The following PLEKHA2 variants were observed in gnomAD, a reference collection of about 807,000 sequenced individuals.
The protein encoded by PLEKHA2 is pleckstrin homology domain-containing family A member 2.
In PLEKHA2, 28 loss-of-function variants were observed where a neutral mutation model predicts 53.2. The observed-to-expected ratio is 0.53, with a 90% confidence interval of 0.39 to 0.72. The LOEUF is 0.72. Among genes scored for constraint, PLEKHA2 ranks in the 30% least tolerant of loss-of-function variants. The probability of loss-of-function intolerance (pLI) is 0.00; values close to 1 mark genes in which losing one functional copy is unlikely to be tolerated. For missense variants in PLEKHA2, 426 were observed against 537.9 expected (o/e 0.79, Z 2.06); for synonymous variants, 193 against 196.4 (o/e 0.98, Z 0.14).
At position 38,922,096 on chromosome 8, in the gene PLEKHA2, T is replaced by C. The variant is rs1166363388; in HGVS notation, c.141+4026T>C. 6.6e-6 allele frequency among the ~76,000 whole-genome samples: 1 copy of C among 152,082 alleles called. No homozygotes were observed. Among genetic ancestry groups the C allele is most frequent in the Non-Finnish European group, 1.5e-5 (1 of 68,006 alleles). On this transcript the variant is annotated intron_variant, in intron 2 of 11. Coordinates refer to ENST00000617275, the MANE Select transcript of PLEKHA2 (RefSeq NM_021623.2). The surrounding 1 kb of genome is among the most constrained non-coding windows in gnomAD (Gnocchi z 4.0). ...GAAGAATTTGCCCGTGGTTACATAA[T>C]AAAAAAGTAGCACAGCTGGGACTCT...
chr8:38,908,795 A>G (rs1375660679), intron 1 of PLEKHA2, among the ~76,000 whole-genome samples: 1 of 152,236 alleles, frequency 6.6e-6, no homozygotes, highest in South Asian at 2.1e-4. Context: ...ACCTGAAAAC[A>G]GAGTTTTTGA....
chr8:38,954,791 G>T (rs983307910), intron 9 of PLEKHA2, among the ~76,000 whole-genome samples: 1 of 152,176 alleles, frequency 6.6e-6, no homozygotes, highest in African/African-American at 2.4e-5. Flanking sequence ...CCAGCACTTT[G>T]GGAGGCCGAG....
At chr8:38,932,302 G>C (rs1257923102) in intron 2 of PLEKHA2, among the ~76,000 whole-genome samples, 4 of 152,176 alleles carry the variant, frequency 2.6e-5, no homozygotes, top group African/African-American at 9.7e-5. Context: ...GGTCATTCTT[G>C]GGGTTTTTAA....
chr8:38,943,328 C>G (rs1269734633), intron 3 of PLEKHA2, among the ~76,000 whole-genome samples: 2 of 151,470 alleles, frequency 1.3e-5, no homozygotes, highest in Non-Finnish European at 2.9e-5. Flanking sequence ...AAATATTTTT[C>G]TTTTTTAAAA....
intron 6 of PLEKHA2, among the ~76,000 whole-genome samples, chr8:38,951,191 G>A (rs1049966018): frequency 6.6e-6 from 1 of 152,194 alleles, no homozygotes; most frequent in Non-Finnish European, 1.5e-5. Context: ...GGAAGTGGAG[G>A]CTGCTGCATC....
chr8:38,952,790 TGGA>T, intron 8 of PLEKHA2, 86 bp downstream of exon 8: 1 of 1,364,986 alleles, frequency 7.3e-7, no homozygotes, highest in Non-Finnish European at 1.0e-6. Context: ...CGTGCATGAG[TGGA>T]GATGTGGGCA....
chr8:38,955,906 G>C (rs1474204653), intron 9 of PLEKHA2, among the ~76,000 whole-genome samples: 10 of 152,140 alleles, frequency 6.6e-5, no homozygotes, highest in Admixed American at 6.5e-4. Flanking sequence ...TGCCTCCCAG[G>C]CTCAGGTGAT....
chr8:38,918,113 T>C (rs781782318), intron 2 of PLEKHA2, 43 bp downstream of exon 2: 4 of 1,593,226 alleles, frequency 2.5e-6, no homozygotes, highest in Non-Finnish European at 3.4e-6. Flanking sequence ...TGGGTGCCCA[T>C]CACTGCGCCA....
intron 3 of PLEKHA2, among the ~76,000 whole-genome samples, chr8:38,943,175 T>C (rs1488444320): frequency 3.9e-5 from 6 of 152,088 alleles, no homozygotes; most frequent in Non-Finnish European, 7.4e-5. Flanking sequence ...CGTCAGGACT[T>C]AGTGGCTTTT....
intron 3 of PLEKHA2, among the ~76,000 whole-genome samples, chr8:38,936,678 G>A (rs1232682875): frequency 6.6e-6 from 1 of 152,248 alleles, no homozygotes; most frequent in Non-Finnish European, 1.5e-5. Flanking sequence ...GAGAGCTGGG[G>A]TGGGGACTGG....
At position 38,920,288 on chromosome 8, in the gene PLEKHA2, C is replaced by T. The variant is rs375494000; in HGVS notation, c.141+2218C>T. On this transcript the variant is annotated intron_variant, in intron 2 of 11. Transcript: ENST00000617275. The stretch of plus-strand genomic sequence containing the variant: ...GCCTCAGCCTCCCGAGTAGTTGGGA[C>T]TACAGGCACCCGCCACCACGCCCAG... Among the ~76,000 whole-genome samples, 15 of 151,982 alleles carry T rather than the reference C, an allele frequency of 9.9e-5. No individual in the cohort carries two copies. The East Asian group carries it at 2.1e-3, about 22-fold the overall frequency.
intron 2 of PLEKHA2, among the ~76,000 whole-genome samples, chr8:38,928,930 G>A (rs1471172382): frequency 2.6e-5 from 4 of 152,286 alleles, no homozygotes; most frequent in Middle Eastern, 3.4e-3. Context: ...CCTGGGATTC[G>A]CTTGGCTCCC....
At chr8:38,908,947 A>G (rs1183750934) in intron 1 of PLEKHA2, among the ~76,000 whole-genome samples, 4 of 152,172 alleles carry the variant, frequency 2.6e-5, no homozygotes, top group Non-Finnish European at 5.9e-5. Context: ...GATCGAGACC[A>G]TCCTGGCCAA....
At chr8:38,907,259 T>C (rs529429134) in intron 1 of PLEKHA2, among the ~76,000 whole-genome samples, 2 of 152,330 alleles carry the variant, frequency 1.3e-5, no homozygotes, top group East Asian at 3.9e-4. Flanking sequence ...GAACTGAGGT[T>C]GTAGTAATTT....
intron 2 of PLEKHA2, among the ~76,000 whole-genome samples, chr8:38,919,838 A>C (rs1834146769): frequency 6.6e-6 from 1 of 152,200 alleles, no homozygotes; most frequent in African/African-American, 2.4e-5. Context: ...TGAAGTGCCT[A>C]GTATTCAGAA....
chr8:38,961,162 T>A (rs1835033295), intron 10 of PLEKHA2, among the ~76,000 whole-genome samples: 1 of 152,220 alleles, frequency 6.6e-6, no homozygotes, highest in Admixed American at 6.5e-5. Flanking sequence ...CTTACTCATT[T>A]TGGGGATAAA....
intron 9 of PLEKHA2, 28 bp from the exon 10 acceptor site, chr8:38,957,295 A>G (rs1834959858): frequency 1.3e-6 from 2 of 1,583,992 alleles, no homozygotes; most frequent in Non-Finnish European, 1.7e-6. Flanking sequence ...TCAGCACGCC[A>G]TAACATTCTT....
At chr8:38,966,177 T>C (rs1835130797) in intron 10 of PLEKHA2, among the ~76,000 whole-genome samples, 1 of 152,088 alleles carries the variant, frequency 6.6e-6, no homozygotes, top group Non-Finnish European at 1.5e-5. Context: ...GTTTTCCTTG[T>C]AGGTGCACAC....
intron 1 of PLEKHA2, among the ~76,000 whole-genome samples, chr8:38,915,379 G>A (rs1306568326): frequency 6.6e-6 from 1 of 152,236 alleles, no homozygotes; most frequent in East Asian, 1.9e-4. Flanking sequence ...CGATCTGGAG[G>A]CTGAAAGTCC....
Sources: gnomAD v4.1 joint callset for allele counts (sites outside exome capture counted in the v4.1 genomes callset) on GRCh38, gnomAD v4.1.1 for gene constraint, Gnocchi (gnomAD v3.1) non-coding constraint, MANE v1.5 for transcripts, NCBI Gene and HGNC (gene_info 2026-07-23, HGNC 2026-07-21) for gene names.